Variants in ZFYVE9 observed in about 807,000 individuals in gnomAD.
ZFYVE9 encodes zinc finger FYVE domain-containing protein 9.
In ZFYVE9, 43 loss-of-function variants were observed where a neutral mutation model predicts 126.7. That is an observed-to-expected ratio of 0.34 (90% CI 0.27 to 0.44). The LOEUF is 0.44. Among genes scored for constraint, ZFYVE9 ranks in the 20% least tolerant of loss-of-function variants. The pLI is 1.00. For synonymous variants in ZFYVE9, 521 were observed against 597.4 expected (o/e 0.87, Z 1.87); for missense variants, 1,476 against 1,697.0 (o/e 0.87, Z 2.29).
intron 13 of ZFYVE9, among the ~76,000 whole-genome samples, chr1:52,324,975 C>T (rs1392562488): frequency 3.9e-5 from 6 of 151,916 alleles, no homozygotes; most frequent in Non-Finnish European, 1.5e-5. Flanking sequence ...CCCATCCATA[C>T]AAAATTAAAA....
chr1:52,183,725 C>T (rs569292474), intron 1 of ZFYVE9, among the ~76,000 whole-genome samples: 101 of 152,232 alleles, frequency 6.6e-4, no homozygotes, highest in Non-Finnish European at 1.3e-3. Flanking sequence ...AGGCTGGTCT[C>T]AAACTCCTGA....
chr1:52,304,171 A>G lies in ZFYVE9; in HGVS notation c.3438+246A>G, dbSNP rs554457625. 2.0e-5 allele frequency among the ~76,000 whole-genome samples: 3 copies of G among 152,208 alleles called. No homozygotes were observed. The South Asian group carries it at 6.2e-4, about 32-fold the overall frequency. ...TTATGATAATTAGTATTAGATTTGCATTTTGATTAGGTCATGAAATTAGCC... is the reference window on the plus strand; with the variant it reads ...TTATGATAATTAGTATTAGATTTGCGTTTTGATTAGGTCATGAAATTAGCC... On this transcript the variant is annotated intron_variant, in intron 13 of 18. Transcript: ENST00000287727.
intron 4 of ZFYVE9, among the ~76,000 whole-genome samples, chr1:52,259,620 T>C (rs1264043804): frequency 2.1e-5 from 3 of 139,890 alleles, no homozygotes; most frequent in Admixed American, 7.3e-5. Flanking sequence ...AAACCCTGTC[T>C]CTACTAAAAA....
intron 1 of ZFYVE9, among the ~76,000 whole-genome samples, chr1:52,192,990 A>T (rs544762742): frequency 2.6e-5 from 4 of 152,180 alleles, no homozygotes; most frequent in Non-Finnish European, 5.9e-5. Context: ...TATTATTATT[A>T]TTACTGTTTT....
chr1:52,302,812 A>G (rs1275200727), intron 12 of ZFYVE9, among the ~76,000 whole-genome samples: 1 of 151,816 alleles, frequency 6.6e-6, no homozygotes, highest in African/African-American at 2.4e-5. Context: ...ATCACTTTTT[A>G]AACTGTTAAC....
chr1:52,295,321 G>C (rs183329158), intron 11 of ZFYVE9, among the ~76,000 whole-genome samples: 2 of 149,912 alleles, frequency 1.3e-5, no homozygotes, highest in Non-Finnish European at 3.0e-5. Flanking sequence ...GAAGAAGATT[G>C]CTCCCTAAGA....
chr1:52,217,982 G>GA (rs1457356231), intron 2 of ZFYVE9, among the ~76,000 whole-genome samples: 2 of 152,130 alleles, frequency 1.3e-5, no homozygotes, highest in African/African-American at 4.8e-5. Context: ...TAGTATATGT[G>GA]ATTTATCCAG....
At chr1:52,228,716 A>G (rs1035495468) in intron 2 of ZFYVE9, among the ~76,000 whole-genome samples, 1 of 152,210 alleles carries the variant, frequency 6.6e-6, no homozygotes, top group Non-Finnish European at 1.5e-5. Context: ...ATGATAATTA[A>G]TTCAATGTGT....
chr1:52,190,818 A>C (rs1209436242), intron 1 of ZFYVE9, among the ~76,000 whole-genome samples: 1 of 152,238 alleles, frequency 6.6e-6, no homozygotes, highest in Non-Finnish European at 1.5e-5. Context: ...CTTTCCCTAG[A>C]AGAATTTGTG....
At chr1:52,245,495 T>C (rs1423149037) in intron 4 of ZFYVE9, among the ~76,000 whole-genome samples, 1 of 152,196 alleles carries the variant, frequency 6.6e-6, no homozygotes, top group Non-Finnish European at 1.5e-5. Context: ...ACAGACTTTA[T>C]TTAATACACA....
intron 10 of ZFYVE9, among the ~76,000 whole-genome samples, chr1:52,283,133 A>G (rs922647237): frequency 2.6e-5 from 4 of 152,200 alleles, no homozygotes; most frequent in African/African-American, 9.6e-5. Flanking sequence ...TCCAGGCCAC[A>G]TAATACCCTG....
intron 4 of ZFYVE9, chr1:52,253,866 C>T: frequency 8.0e-7 from 1 of 1,252,618 alleles, no homozygotes; most frequent in Admixed American, 1.7e-5. Context: ...TTTATGCAGA[C>T]TACAAATCTG....
At chr1:52,255,973 T>C (rs867100278) in intron 4 of ZFYVE9, among the ~76,000 whole-genome samples, 2,938 of 124,410 alleles carry the variant, frequency 0.024, 206 homozygotes, top group African/African-American at 0.1. Flanking sequence ...CTTTTCTTTC[T>C]TTCTTTCTTT....
chr1:52,319,508 C>T (rs902504390), intron 13 of ZFYVE9, among the ~76,000 whole-genome samples: 1 of 151,504 alleles, frequency 6.6e-6, no homozygotes, highest in African/African-American at 2.4e-5. Flanking sequence ...CCTATAATCC[C>T]AGCTACTCAG....
chr1:52,274,542 G>A lies in ZFYVE9; in HGVS notation c.2704G>A (p.Asp902Asn). The A allele has an allele frequency of 1.1e-5, 18 of 1,612,832 alleles. No homozygotes were observed. Among genetic ancestry groups the A allele is most frequent in the Non-Finnish European group, 1.4e-5 (17 of 1,179,234 alleles). ...AAGTGCAATGAATCTTATTCCTGAA[G>A]ATGGCCTTCCTCCCATTCTCATCTC... ...VGSAMNLIPEDGLPPILISTG... is the reference protein window; with the variant it reads ...VGSAMNLIPENGLPPILISTG... The change falls in exon 8 of 19, where the codon GAT (aspartate) becomes AAT (asparagine). Residue 902 changes from aspartate to asparagine, a missense_variant. Physicochemically the swap from Asp to Asn is conservative, Grantham distance 23. Around this residue, in one of 2 missense-constraint regions of ZFYVE9, gnomAD observed 669 missense variants for 902.4 expected, o/e 0.74. Coordinates refer to ENST00000287727, the MANE Select transcript of ZFYVE9 (RefSeq NM_004799.4).
chr1:52,224,044 C>G (rs1386437988), intron 2 of ZFYVE9, among the ~76,000 whole-genome samples: 2 of 152,212 alleles, frequency 1.3e-5, no homozygotes, highest in Non-Finnish European at 2.9e-5. Flanking sequence ...GATTTCTAAC[C>G]TCTGAACTAG....
At chr1:52,256,534 C>G (rs143069813) in intron 4 of ZFYVE9, among the ~76,000 whole-genome samples, 1 of 152,244 alleles carries the variant, frequency 6.6e-6, no homozygotes, top group Admixed American at 6.5e-5. Context: ...TGTGCCACCA[C>G]GCTCAGCAGA....
At chr1:52,309,534 T>G (rs188680370) in intron 13 of ZFYVE9, among the ~76,000 whole-genome samples, 77 of 152,014 alleles carry the variant, frequency 5.1e-4, no homozygotes, top group African/African-American at 1.6e-3. Flanking sequence ...AAAAGGGGGA[T>G]AGATACCTGC....
intron 5 of ZFYVE9, chr1:52,264,108 T>G (rs900798679): frequency 2.2e-5 from 6 of 269,586 alleles, no homozygotes; most frequent in Middle Eastern, 2.2e-3. Flanking sequence ...GCAGGAATAA[T>G]GGAAGTTCTT....
Sources: gnomAD v4.1 joint callset for allele counts (sites outside exome capture counted in the v4.1 genomes callset) on GRCh38, gnomAD v4.1.1 for gene constraint, gnomAD v4.1.1 regional missense constraint, MANE v1.5 for transcripts, NCBI Gene and HGNC (gene_info 2026-07-23, HGNC 2026-07-21) for gene names.